Variants in CAPN5 observed in about 807,000 individuals in gnomAD.
The protein encoded by CAPN5 is calpain-5.
Under a neutral mutation model 73.0 loss-of-function variants are expected in CAPN5, and 54 were observed. The observed-to-expected ratio is 0.74, with a 90% CI of 0.59 to 0.93. The LOEUF (loss-of-function observed/expected upper bound fraction) is 0.93, where lower values mean the gene tolerates loss of function less well. Ranked by LOEUF, CAPN5 falls within the 40% of genes least tolerant of loss-of-function variation. The probability of loss-of-function intolerance (pLI) is 0.00; values close to 1 mark genes in which losing one functional copy is unlikely to be tolerated. For missense variants in CAPN5, 785 were observed against 882.9 expected (o/e 0.89, Z 1.41); for synonymous variants, 335 against 356.9 (o/e 0.94, Z 0.69).
intron 2 of CAPN5, among the ~76,000 whole-genome samples, chr11:77,093,133 C>A (rs1950166731): frequency 6.6e-6 from 1 of 152,212 alleles, no homozygotes; most frequent in South Asian, 2.1e-4. Flanking sequence ...GGCGTGAAGA[C>A]CTGATGAGAT....
intron 2 of CAPN5, among the ~76,000 whole-genome samples, chr11:77,086,652 C>G (rs1451480851): frequency 3.9e-5 from 6 of 152,194 alleles, no homozygotes; most frequent in Admixed American, 6.5e-5. Context: ...CCTCAAAGGG[C>G]CTTTGTGAGG....
intron 8 of CAPN5, among the ~76,000 whole-genome samples, chr11:77,118,580 G>A (rs1010068887): frequency 2.0e-5 from 3 of 152,182 alleles, no homozygotes; most frequent in Non-Finnish European, 2.9e-5. Flanking sequence ...AGGAAACCGC[G>A]GCTCTGAGGG....
intron 1 of CAPN5, among the ~76,000 whole-genome samples, chr11:77,077,969 C>G (rs1357134901): frequency 6.6e-6 from 1 of 152,134 alleles, no homozygotes; most frequent in Non-Finnish European, 1.5e-5. Flanking sequence ...GATATTGACT[C>G]TTGTCAGATG....
chr11:77,087,657 G>A (rs1326560498), intron 2 of CAPN5, among the ~76,000 whole-genome samples: 1 of 152,094 alleles, frequency 6.6e-6, no homozygotes, highest in Non-Finnish European at 1.5e-5. Context: ...CTGTAATTGG[G>A]GAAGGATAAT....
intron 3 of CAPN5, among the ~76,000 whole-genome samples, chr11:77,107,000 G>A (rs1170243574): frequency 6.6e-6 from 1 of 152,192 alleles, no homozygotes; most frequent in Admixed American, 6.5e-5. Flanking sequence ...GGGGGAAGGG[G>A]GACTCCCCCA....
At chr11:77,104,572 A>C (rs1157394556) in intron 3 of CAPN5, among the ~76,000 whole-genome samples, 1 of 152,234 alleles carries the variant, frequency 6.6e-6, no homozygotes, top group Non-Finnish European at 1.5e-5. Flanking sequence ...CATCAGATTC[A>C]GTTCTGACTC....
At chr11:77,097,083 G>A (rs1012660410) in intron 3 of CAPN5, among the ~76,000 whole-genome samples, 26 of 152,142 alleles carry the variant, frequency 1.7e-4, no homozygotes, top group Non-Finnish European at 1.5e-4. Flanking sequence ...TTAGCCAGGC[G>A]TGGTGGTGGG....
At chr11:77,096,733 G>A (rs1377979904) in intron 3 of CAPN5, among the ~76,000 whole-genome samples, 1 of 152,270 alleles carries the variant, frequency 6.6e-6, no homozygotes, top group Non-Finnish European at 1.5e-5. Context: ...GCCTGGAGCA[G>A]CCACAGGGGC....
intron 3 of CAPN5, among the ~76,000 whole-genome samples, chr11:77,101,009 T>C (rs1950277891): frequency 2.6e-5 from 4 of 152,052 alleles, no homozygotes; most frequent in Admixed American, 2.6e-4. Context: ...CACTTCATTT[T>C]GGCCCTGGCC....
chr11:77,073,322 A>G (rs1949930902), intron 1 of CAPN5, among the ~76,000 whole-genome samples: 1 of 152,200 alleles, frequency 6.6e-6, no homozygotes, highest in African/African-American at 2.4e-5. Context: ...CAAGGCCTGC[A>G]GGAACCCCTG....
chr11:77,087,682 G>A (rs1555035766), intron 2 of CAPN5, among the ~76,000 whole-genome samples: 1 of 152,170 alleles, frequency 6.6e-6, no homozygotes, highest in East Asian at 1.9e-4. Flanking sequence ...GCTGGTCACA[G>A]TTTCTGGAAA....
intron 3 of CAPN5, among the ~76,000 whole-genome samples, chr11:77,104,035 G>A (rs1299371913): frequency 1.3e-5 from 2 of 152,218 alleles, no homozygotes; most frequent in African/African-American, 4.8e-5. Context: ...ATGAGACAGA[G>A]TGTGCTGTAT....
chr11:77,076,956 T>G lies in CAPN5; in HGVS notation c.-35-7896T>G, dbSNP rs1043422113. Among the ~76,000 whole-genome samples, 43 of 152,282 alleles carry G rather than the reference T, an allele frequency of 2.8e-4. 1 individual carries two copies. Among genetic ancestry groups the G allele is most frequent in the Admixed American group, 2.5e-3 (38 of 15,288 alleles). On this transcript the variant is annotated intron_variant, in intron 1 of 12. Transcript: ENST00000648180. ...GAAACCTCTATACTGTTTTCCATAA[T>G]GGCTGTACTAATTTACATTCCCACC...
chr11:77,085,806 C>A (rs1250437705), intron 2 of CAPN5, among the ~76,000 whole-genome samples: 1 of 152,084 alleles, frequency 6.6e-6, no homozygotes, highest in Non-Finnish European at 1.5e-5. Context: ...AGAATGGGGT[C>A]CCTGGTGGCC....
chr11:77,118,817 C>G (rs1950493958), intron 8 of CAPN5, among the ~76,000 whole-genome samples: 1 of 152,194 alleles, frequency 6.6e-6, no homozygotes, highest in Non-Finnish European at 1.5e-5. Flanking sequence ...AGGCTCTGTG[C>G]AGAGTGGCCA....
chr11:77,103,654 GGA>G (rs1283825404), intron 3 of CAPN5, among the ~76,000 whole-genome samples: 1 of 152,176 alleles, frequency 6.6e-6, no homozygotes, highest in African/African-American at 2.4e-5. Context: ...CTTCATTGTG[GGA>G]GAGAGAGACT....
chr11:77,103,133 G>T, intron 3 of CAPN5: 1 of 1,613,874 alleles, frequency 6.2e-7, no homozygotes, highest in Non-Finnish European at 8.5e-7. Context: ...TGACACGCCA[G>T]CTGCTGGACC....
intron 8 of CAPN5, 111 bp downstream of exon 8, chr11:77,118,463 G>A: frequency 1.1e-6 from 1 of 938,490 alleles, no homozygotes; most frequent in Non-Finnish European, 1.6e-6. Flanking sequence ...CCTTCCTTGG[G>A]CCTCAGCAAA....
rs149132399 is a variant in CAPN5 at position 77,084,938 on chromosome 11, C to T, written c.52C>T (p.Arg18Trp). The T allele has an allele frequency of 2.0e-4, 327 of 1,613,774 alleles. 1 individual carries two copies. Among genetic ancestry groups the T allele is most frequent in the African/African-American group, 1.8e-3 (132 of 74,932 alleles). ...GGACCAGAACTACTCAGCCCTGAGGCGGGACTGCCGGCGCAGGAAGGTGCT... is the reference window on the plus strand; with the variant it reads ...GGACCAGAACTACTCAGCCCTGAGGTGGGACTGCCGGCGCAGGAAGGTGCT... ...YEDQNYSALR[R>W]DCRRRKVLFE... Residue 18 changes from arginine (R) to tryptophan (W), a missense_variant, in exon 2 of 13, where the codon CGG (arginine) becomes TGG (tryptophan). Coordinates refer to ENST00000648180, the MANE Select transcript of CAPN5 (RefSeq NM_004055.5).
Sources: gnomAD v4.1 joint callset for allele counts (sites outside exome capture counted in the v4.1 genomes callset) on GRCh38, gnomAD v4.1.1 for gene constraint, MANE v1.5 for transcripts, NCBI Gene and HGNC (gene_info 2026-07-23, HGNC 2026-07-21) for gene names.